The following C8A variants were observed in gnomAD, a reference collection of about 807,000 sequenced individuals.
The protein encoded by C8A is complement C8 alpha chain, also known as complement component C8 alpha chain.
C8A carries 67 observed loss-of-function variants against 65.3 expected under a neutral mutation model. That is an observed-to-expected ratio of 1.03 (90% confidence interval 0.84 to 1.26). C8A has a LOEUF of 1.26. Among genes scored for constraint, C8A ranks in the 50% most tolerant of loss-of-function variants. The pLI, the probability that C8A is intolerant of heterozygous loss-of-function variation, is 0.00. For synonymous variants in C8A, 290 were observed against 259.4 expected, an observed-to-expected ratio of 1.12 and a Z score of -1.13; for missense variants, 781 against 723.9, an observed-to-expected ratio of 1.08 and a Z score of -0.90.
intron 10 of C8A, among the ~76,000 whole-genome samples, chr1:56,916,624 C>G (rs142320595): frequency 6.6e-6 from 1 of 152,126 alleles, no homozygotes; most frequent in Admixed American, 6.5e-5. Flanking sequence ...GGAGGGCGAG[C>G]CTGACAGACA....
rs1349734976 is a variant in C8A, at chr1:56,906,661, T to C, written c.1097-6T>C. 5.0e-6 allele frequency: 8 copies of C among 1,613,796 alleles called. No homozygotes were observed. The highest frequency in any genetic ancestry group is 6.8e-6 in the Non-Finnish European group (8 of 1,179,776). ...CATTTTGTGTTTCTCTGTCTCCCTG[T>C]TGCAGGTATTACCAGCAGAGATATC... On this transcript the variant is annotated splice_region_variant and splice_polypyrimidine_tract_variant and intron_variant, in intron 7 of 10. Coordinates refer to ENST00000361249, the MANE Select transcript of C8A (RefSeq NM_000562.3).
intron 2 of C8A, among the ~76,000 whole-genome samples, chr1:56,872,905 A>AAAGG (rs1553174297): frequency 6.6e-6 from 1 of 151,918 alleles, no homozygotes; most frequent in Non-Finnish European, 1.5e-5. Flanking sequence ...GAGGAAAAAA[A>AAAGG]AAAGAAAGAA....
Position 56,867,621 on chromosome 1 carries a change from G to T in C8A, c.90G>T (p.Arg30=), listed in dbSNP as rs1267332754. The T allele has an allele frequency of 1.9e-6, 3 of 1,613,450 alleles. No individual in the cohort carries two copies. The highest frequency in any genetic ancestry group is 2.5e-6 in the Non-Finnish European group (3 of 1,179,578). The change falls in exon 2 of 11, where the codon CGG becomes CGT. Residue 30 remains arginine, a synonymous_variant. Transcript: ENST00000361249. ...AQEKVNQRVR[R]AATPAAVTCQ... is the part of the protein sequence containing the mutation. Reference sequence around the variant, plus strand: ...TCCCTTTCTTTAGGAGAGTAAGACGGGCAGCTACACCCGCAGCAGTTACCT... The same window carrying T: ...TCCCTTTCTTTAGGAGAGTAAGACGTGCAGCTACACCCGCAGCAGTTACCT...
At chr1:56,895,545 G>A (rs931720501) in intron 7 of C8A, among the ~76,000 whole-genome samples, 1 of 152,106 alleles carries the variant, frequency 6.6e-6, no homozygotes, top group Non-Finnish European at 1.5e-5. Context: ...CCCATTAGTA[G>A]ATTGTAAAAG....
At chr1:56,882,428 G>A (rs1373814902) in intron 5 of C8A, among the ~76,000 whole-genome samples, 2 of 152,102 alleles carry the variant, frequency 1.3e-5, no homozygotes, top group Non-Finnish European at 2.9e-5. Context: ...GAAACACAAA[G>A]GGTTAAAGTG....
At chr1:56,865,862 A>G (rs1161252896) in intron 1 of C8A, among the ~76,000 whole-genome samples, 1 of 152,204 alleles carries the variant, frequency 6.6e-6, no homozygotes, top group Non-Finnish European at 1.5e-5. Context: ...GAAATGCATT[A>G]ATATTTGTAA....
intron 1 of C8A, among the ~76,000 whole-genome samples, chr1:56,862,081 T>A (rs143258366): frequency 8.5e-5 from 13 of 152,324 alleles, no homozygotes; most frequent in Admixed American, 2.6e-4. Flanking sequence ...ACATTCAATA[T>A]ATTTTTGATG....
intron 9 of C8A, among the ~76,000 whole-genome samples, chr1:56,908,860 C>T (rs1442816245): frequency 1.3e-5 from 2 of 152,302 alleles, no homozygotes; most frequent in East Asian, 1.9e-4. Context: ...CTAGCACCTC[C>T]ATTAAAGCAG....
intron 7 of C8A, among the ~76,000 whole-genome samples, chr1:56,896,890 C>T (rs1411977191): frequency 3.3e-5 from 5 of 152,186 alleles, no homozygotes; most frequent in Non-Finnish European, 4.4e-5. Context: ...CTTTCATACA[C>T]ATCATCTTAT....
intron 7 of C8A, among the ~76,000 whole-genome samples, chr1:56,900,534 C>A (rs756553564): frequency 3.3e-5 from 5 of 152,160 alleles, no homozygotes; most frequent in African/African-American, 1.2e-4. Context: ...CACCACAATT[C>A]CTGCTTTTTC....
chr1:56,908,095 T>C lies in C8A; in HGVS notation c.1362T>C (p.Pro454=). 3 of 1,614,146 alleles carry C rather than the reference T, an allele frequency of 1.9e-6. No individual in the cohort carries two copies. Among genetic ancestry groups the C allele is most frequent in the Admixed American group, 1.7e-5 (1 of 60,026 alleles). Residue 454 remains proline, a synonymous_variant, in exon 9 of 11, where the codon CCT becomes CCC. Coordinates refer to ENST00000361249, the MANE Select transcript of C8A (RefSeq NM_000562.3). ...RSWGRSLKYN[P]VVIDFEMQPI... is the part of the protein sequence containing the mutation. ...GGGGGAGGTCATTAAAGTATAATCC[T>C]GTTGTTATCGATTTTGAGGTAAGTC...
At position 56,876,145 on chromosome 1, in the gene C8A, A is replaced by C. The variant is rs1404227682; in HGVS notation, c.400A>C (p.Arg134=). 1.9e-6 allele frequency: 3 copies of C among 1,613,952 alleles called. No individual in the cohort carries two copies. The East Asian group carries it at 6.7e-5, about 36-fold the overall frequency. The change falls in exon 4 of 11, where the codon AGG becomes CGG. Residue 134 remains arginine (R), a synonymous_variant. Coordinates refer to ENST00000361249, the MANE Select transcript of C8A (RefSeq NM_000562.3). ...GSDEDDCEDV[R]AIDEDCSQYE... ...TGATGAGGACGACTGTGAAGATGTC[A>C]GGGCCATTGACGAAGACTGCAGCCA...
chr1:56,885,428 ATATATATTT>A (rs1644289392), intron 6 of C8A, among the ~76,000 whole-genome samples: 1 of 101,336 alleles, frequency 9.9e-6, no homozygotes, highest in Non-Finnish European at 1.7e-5. Context: ...ATATATTTAA[ATATATATTT>A]AAGTAAATAT....
At chr1:56,857,870 A>G (rs1001803314) in intron 1 of C8A, among the ~76,000 whole-genome samples, 5 of 152,156 alleles carry the variant, frequency 3.3e-5, no homozygotes, top group Non-Finnish European at 7.4e-5. Flanking sequence ...TTATAGTCCA[A>G]TTACAGAGAT....
At chr1:56,907,908 TG>T (rs1403508171) in intron 8 of C8A, 47 bp from the exon 9 acceptor site, 70 of 1,610,606 alleles carry the variant, frequency 4.3e-5, no homozygotes, top group Non-Finnish European at 5.6e-5. Flanking sequence ...AACCAGTCCT[TG>T]GGCTTTTTGG....
At chr1:56,896,310 T>C (rs1430958841) in intron 7 of C8A, among the ~76,000 whole-genome samples, 2 of 152,166 alleles carry the variant, frequency 1.3e-5, no homozygotes, top group Non-Finnish European at 2.9e-5. Context: ...GTCGGCAAGC[T>C]GGACACCCAG....
At chr1:56,883,383 A>T (rs1644263001) in intron 5 of C8A, 98 bp from the exon 6 acceptor site, 1 of 1,080,568 alleles carries the variant, frequency 9.3e-7, no homozygotes, top group African/African-American at 1.6e-5. Context: ...ATAATCTAAA[A>T]TTTTAGATAT....
In C8A at chr1:56,883,493, A is replaced by G; in HGVS notation, c.667A>G (p.Thr223Ala). 7.4e-6 allele frequency: 12 copies of G among 1,613,586 alleles called. No homozygotes were observed. Among genetic ancestry groups the G allele is most frequent in the Non-Finnish European group, 9.3e-6 (11 of 1,179,642 alleles). The change falls in exon 6 of 11, where the codon ACT becomes GCT. Residue 223 changes from threonine to alanine, a missense_variant. By Grantham distance (58) the Thr-to-Ala change is moderately conservative (BLOSUM62 0). Transcript: ENST00000361249. ...LKYHFEALAD[T>A]GISSEFYDNA... The stretch of plus-strand genomic sequence containing the variant: ...TTTTTTTTTTCAGGCCCTGGCAGAT[A>G]CTGGAATCTCCTCAGAGTTTTATGA...
chr1:56,912,644 C>T lies in C8A; in HGVS notation c.1603+19C>T, dbSNP rs890462723. On this transcript the variant is annotated intron_variant, in intron 10 of 10. Coordinates refer to ENST00000361249, the MANE Select transcript of C8A (RefSeq NM_000562.3). ...ACAGAAGGTAAGGTCCGTGCATCCCCACCCAGTTCCAGCCTGTCCCAGCTC... is the reference window on the plus strand; with the variant it reads ...ACAGAAGGTAAGGTCCGTGCATCCCTACCCAGTTCCAGCCTGTCCCAGCTC... 19 of 1,608,066 alleles carry T rather than the reference C, an allele frequency of 1.2e-5. No individual in the cohort carries two copies. Among genetic ancestry groups the T allele is most frequent in the Non-Finnish European group, 1.6e-5 (19 of 1,175,062 alleles).
Sources: allele counts gnomAD v4.1 joint callset (sites outside exome capture counted in the v4.1 genomes callset), GRCh38; gene constraint gnomAD v4.1.1; transcripts MANE v1.5; gene names NCBI Gene and HGNC (gene_info 2026-07-23, HGNC 2026-07-21).